Variants in MTHFS observed in about 807,000 individuals in gnomAD.
The protein encoded by MTHFS is 5-formyltetrahydrofolate cyclo-ligase.
A neutral mutation model predicts 12.7 loss-of-function variants in MTHFS; 7 were observed. That is an observed-to-expected ratio of 0.55 (90% CI 0.31 to 1.03). The LOEUF (loss-of-function observed/expected upper bound fraction) is 1.03. Among genes scored for constraint, MTHFS ranks in the 50% least tolerant of loss-of-function variants. The pLI, the probability that MTHFS is intolerant of heterozygous loss-of-function variation, is 0.05. For synonymous variants in MTHFS, 100 were observed against 97.1 expected (o/e 1.03, Z -0.18); for missense variants, 252 against 258.1 (o/e 0.98, Z 0.16).
intron 1 of MTHFS, 127 bp downstream of exon 1, chr15:79,896,745 G>A (rs955618608): frequency 3.8e-5 from 47 of 1,228,946 alleles, no homozygotes; most frequent in Non-Finnish European, 4.9e-5. Flanking sequence ...GGAAACGTGC[G>A]CGCGCCGGGG....
At chr15:79,852,673 C>T (rs142646346) in intron 2 of MTHFS, among the ~76,000 whole-genome samples, 109 of 152,320 alleles carry the variant, frequency 7.2e-4, no homozygotes, top group East Asian at 4.0e-3. Flanking sequence ...CAGAATACAG[C>T]GACCATATTT....
At chr15:79,855,602 T>C (rs932273473) in intron 2 of MTHFS, among the ~76,000 whole-genome samples, 5 of 152,170 alleles carry the variant, frequency 3.3e-5, no homozygotes, top group African/African-American at 1.2e-4. Flanking sequence ...GTGTACAGAT[T>C]ATTTCATCAC....
At chr15:79,860,976 G>C (rs1381387999) in intron 2 of MTHFS, among the ~76,000 whole-genome samples, 3 of 152,092 alleles carry the variant, frequency 2.0e-5, no homozygotes, top group Admixed American at 2.0e-4. Context: ...TCTCCATCTT[G>C]TGTTCCCAGA....
chr15:79,847,827 C>T (rs954814850), intron 2 of MTHFS, among the ~76,000 whole-genome samples: 12 of 152,122 alleles, frequency 7.9e-5, no homozygotes, highest in Non-Finnish European at 1.8e-4. Context: ...ATGAGGATGT[C>T]CAATATCCAA....
At chr15:79,883,667 A>G (rs903987203) in intron 2 of MTHFS, among the ~76,000 whole-genome samples, 3 of 150,462 alleles carry the variant, frequency 2.0e-5, no homozygotes, top group African/African-American at 7.4e-5. Context: ...TACAAGGCGA[A>G]CTGTACTAGG....
chr15:79,882,113 ATTAG>A (rs1310563702), intron 2 of MTHFS, among the ~76,000 whole-genome samples: 1 of 152,250 alleles, frequency 6.6e-6, no homozygotes, highest in African/African-American at 2.4e-5. Flanking sequence ...TTCAAATACA[ATTAG>A]TGAGAACGAT....
At chr15:79,896,758 TGGGG>T in intron 1 of MTHFS, 110 bp downstream of exon 1, 1 of 1,088,818 alleles carries the variant, frequency 9.2e-7, no homozygotes, top group Non-Finnish European at 1.2e-6. Flanking sequence ...CGCCGGGGGG[TGGGG>T]GGGCGCCTAG....
chr15:79,854,460 T>C (rs917377931), intron 2 of MTHFS, among the ~76,000 whole-genome samples: 2 of 152,192 alleles, frequency 1.3e-5, no homozygotes, highest in Non-Finnish European at 2.9e-5. Context: ...TGCCTGCTGA[T>C]GTAGTCCACA....
At chr15:79,853,928 C>T (rs2033757336) in intron 2 of MTHFS, among the ~76,000 whole-genome samples, 1 of 152,210 alleles carries the variant, frequency 6.6e-6, no homozygotes, top group African/African-American at 2.4e-5. Flanking sequence ...CAGCTGTGTG[C>T]TAGACACTGT....
At chr15:79,855,917 T>C (rs942025694) in intron 2 of MTHFS, among the ~76,000 whole-genome samples, 39 of 152,220 alleles carry the variant, frequency 2.6e-4, no homozygotes, top group African/African-American at 8.9e-4. Context: ...CAGTCCACTA[T>C]TGATGGGCAT....
rs565488885 is a variant in MTHFS at position 79,879,321 on chromosome 15, CTTTTTTTTTTTTT to C, written c.379+9759_379+9771del. Among the ~76,000 whole-genome samples the C allele has an allele frequency of 1.6e-4, 13 of 79,338 alleles. No individual in the cohort carries two copies. The South Asian group carries it at 6.0e-3, about 37-fold the overall frequency. 52.0% of individuals were successfully genotyped at this position (79,338 alleles called of 152,430 possible). On this transcript the variant is annotated intron_variant, in intron 2 of 2. Coordinates refer to ENST00000258874, the MANE Select transcript of MTHFS (RefSeq NM_006441.4). ...TGTGTTTTACCTTTAAATTATTACC[CTTTTTTTTTTTTT>C]TTTTTTTTTTTGAGTCAGAGTCTCA...
chr15:79,846,733 C>T (rs2033621991), intron 2 of MTHFS, among the ~76,000 whole-genome samples: 2 of 152,246 alleles, frequency 1.3e-5, no homozygotes, highest in South Asian at 2.1e-4. Flanking sequence ...CTCCCTGTTC[C>T]TGTCCAGCTC....
intron 1 of MTHFS, 76 bp downstream of exon 1, chr15:79,896,796 A>G (rs1289409647): frequency 6.7e-7 from 1 of 1,502,910 alleles, no homozygotes; most frequent in Non-Finnish European, 8.9e-7. Flanking sequence ...CGGACCATGC[A>G]CAGATCAGCA....
At chr15:79,892,829 T>C (rs2034496956) in intron 1 of MTHFS, among the ~76,000 whole-genome samples, 1 of 152,008 alleles carries the variant, frequency 6.6e-6, no homozygotes, top group Admixed American at 6.6e-5. Context: ...CGCGCACCTG[T>C]AGTCCCAGCT....
At chr15:79,859,575 TG>T (rs997050729) in intron 2 of MTHFS, among the ~76,000 whole-genome samples, 12 of 152,220 alleles carry the variant, frequency 7.9e-5, no homozygotes, top group African/African-American at 2.4e-4. Flanking sequence ...CCCAGCACTT[TG>T]GGAGGCCGAG....
chr15:79,845,352 A>G lies in MTHFS; in HGVS notation c.470T>C (p.Leu157Pro), dbSNP rs1176823090. The G allele has an allele frequency of 6.2e-7, 1 of 1,614,098 alleles. No homozygotes were observed. The highest frequency in any genetic ancestry group is 1.3e-5 in the African/African-American group (1 of 74,944). Residue 157 changes from leucine (L) to proline (P), a missense_variant, in exon 3 of 3, where the codon CTG (leucine) becomes CCG (proline). Leu to Pro is a moderately conservative substitution (Grantham distance 98). Transcript: ENST00000258874. ...TTCCTGATGCTGCAAACAGCGCTTCAGATAGGCATCATAGTAGCCCTTGCC... is the reference window on the plus strand; with the variant it reads ...TTCCTGATGCTGCAAACAGCGCTTCGGATAGGCATCATAGTAGCCCTTGCC... The part of the protein sequence containing the change: ...GRGKGYYDAY[L>P]KRCLQHQEVK...
At chr15:79,892,876 G>A (rs1055262684) in intron 1 of MTHFS, among the ~76,000 whole-genome samples, 3 of 152,032 alleles carry the variant, frequency 2.0e-5, no homozygotes, top group Admixed American at 6.5e-5. Flanking sequence ...GCTTGAACCC[G>A]GGAGGCGGAG....
chr15:79,889,032 G>A (rs749937134), intron 2 of MTHFS, 61 bp downstream of exon 2: 46 of 1,586,966 alleles, frequency 2.9e-5, no homozygotes, highest in Non-Finnish European at 3.3e-5. Context: ...CACATAACCC[G>A]TGGATCTGAG....
chr15:79,870,733 T>C (rs1035588109), intron 2 of MTHFS, among the ~76,000 whole-genome samples: 4 of 151,990 alleles, frequency 2.6e-5, no homozygotes, highest in Non-Finnish European at 5.9e-5. Context: ...CTCTATACTC[T>C]ATAATATAGT....
Sources: allele counts gnomAD v4.1 joint callset (sites outside exome capture counted in the v4.1 genomes callset), GRCh38; gene constraint gnomAD v4.1.1; transcripts MANE v1.5; gene names NCBI Gene and HGNC (gene_info 2026-07-23, HGNC 2026-07-21).